The following ERI1 variants were observed in gnomAD, a reference collection of about 807,000 sequenced individuals.
The protein encoded by ERI1 is 3'-5' exoribonuclease 1.
ERI1 carries 39 observed loss-of-function variants against 39.7 expected under a neutral mutation model. The ratio of observed to expected loss-of-function variants is 0.98; its 90% confidence interval spans 0.76 to 1.28. The LOEUF (loss-of-function observed/expected upper bound fraction) is 1.28, where lower values mean the gene tolerates loss of function less well. ERI1 is among the 50% of genes most tolerant of loss of function. ERI1 has a pLI of 0.00. For synonymous variants in ERI1, 204 were observed against 149.6 expected (o/e 1.36, Z -2.65); for missense variants, 581 against 416.9 (o/e 1.39, Z -3.43).
At chr8:9,054,039 A>G (rs1157827205) in intron 3 of ERI1, among the ~76,000 whole-genome samples, 1 of 121,310 alleles carries the variant, frequency 8.2e-6, no homozygotes, top group African/African-American at 3.5e-5. Flanking sequence ...ATAGGCTAGA[A>G]CTCCCATTTC....
intron 3 of ERI1, among the ~76,000 whole-genome samples, chr8:9,058,288 GC>G (rs1204388156): frequency 6.6e-6 from 1 of 152,180 alleles, no homozygotes; most frequent in East Asian, 1.9e-4. Flanking sequence ...AAAGGGTGGA[GC>G]CACGGGCAGT....
chr8:9,097,652 G>C (rs1799917963), intron 3 of ERI1, among the ~76,000 whole-genome samples: 1 of 126,598 alleles, frequency 7.9e-6, no homozygotes, highest in Admixed American at 8.9e-5. Flanking sequence ...CTAGGTGACA[G>C]AATGACACTC....
At chr8:9,099,066 C>G (rs535823596) in intron 3 of ERI1, among the ~76,000 whole-genome samples, 2 of 152,210 alleles carry the variant, frequency 1.3e-5, no homozygotes, top group African/African-American at 4.8e-5. Context: ...AACTCCTGAC[C>G]TCAAATGATC....
intron 3 of ERI1, among the ~76,000 whole-genome samples, chr8:9,038,791 A>T (rs572261432): frequency 6.6e-6 from 1 of 152,356 alleles, no homozygotes; most frequent in South Asian, 2.1e-4. Context: ...AGATGTAAAT[A>T]TATTAAAATT....
chr8:9,064,980 T>TG (rs1235532581), intron 3 of ERI1, among the ~76,000 whole-genome samples: 2 of 151,504 alleles, frequency 1.3e-5, no homozygotes, highest in East Asian at 1.9e-4. Flanking sequence ...CAGGAAGGAG[T>TG]GGGGGTCACA....
chr8:9,099,444 AATT>A (rs75970336), intron 3 of ERI1, among the ~76,000 whole-genome samples: 5,819 of 152,046 alleles, frequency 0.038, 309 homozygotes, highest in African/African-American at 0.12. Flanking sequence ...AAAAATAAAA[AATT>A]AGCCAGGTGT....
intron 3 of ERI1, among the ~76,000 whole-genome samples, chr8:9,058,230 C>T (rs4841092): frequency 0.14 from 21,281 of 152,124 alleles, 1,636 homozygotes; most frequent in African/African-American, 0.17. Flanking sequence ...ATCCAGGAAT[C>T]CGGCAGAGCT....
At chr8:9,038,964 C>T (rs867834972) in intron 3 of ERI1, among the ~76,000 whole-genome samples, 2 of 152,304 alleles carry the variant, frequency 1.3e-5, no homozygotes, top group Middle Eastern at 3.4e-3. Context: ...ACATTGTGAT[C>T]TGTGATGATA....
At chr8:9,014,920 C>A (rs28550340) in intron 3 of ERI1, among the ~76,000 whole-genome samples, 2 of 152,148 alleles carry the variant, frequency 1.3e-5, no homozygotes, top group African/African-American at 2.4e-5. Flanking sequence ...TCACTGCAAC[C>A]TCTGCCTCCT....
chr8:9,057,391 C>A lies in ERI1; in HGVS notation n.299+36927C>A, dbSNP rs116712242. Among the ~76,000 whole-genome samples the A allele has an allele frequency of 3.4e-3, 512 of 152,306 alleles. 3 individuals carry two copies. The highest frequency in any genetic ancestry group is 0.012 in the African/African-American group (488 of 41,570). ...TGCTGCCTCACACAACTTGTAATTG[C>A]AGAATGAAACGCACTAGGGACTGGC... On this transcript the variant is annotated intron_variant and non_coding_transcript_variant, in intron 3 of 3. Transcript: ENST00000518663.
chr8:9,005,514 G>GC (rs1815888242), intron 1 of ERI1, among the ~76,000 whole-genome samples: 1 of 130,820 alleles, frequency 7.6e-6, no homozygotes, highest in Admixed American at 7.7e-5. Flanking sequence ...GTTTTTTTAT[G>GC]TTTTTTTTTT....
chr8:9,006,566 G>T (rs1308013001), intron 1 of ERI1, among the ~76,000 whole-genome samples: 3 of 152,166 alleles, frequency 2.0e-5, no homozygotes, highest in African/African-American at 7.2e-5. Context: ...CAAATTCAAT[G>T]TAAATTTAAA....
Position 9,030,115 on chromosome 8 carries a change from G to T in ERI1, c.*81G>T. ...TGAATCTCATTGAATTAGTCCTGTA[G>T]TGCAAACTTTAAGCACCTTAAAACA... On this transcript the variant is annotated 3_prime_UTR_variant, in exon 7 of 7. Coordinates refer to ENST00000250263, the MANE Select transcript of ERI1 (RefSeq NM_153332.4). The T allele has an allele frequency of 1.3e-6, 2 of 1,557,878 alleles. No homozygotes were observed. The highest frequency in any genetic ancestry group is 8.8e-7 in the Non-Finnish European group (1 of 1,141,390).
At chr8:9,085,596 CTTG>C (rs1241409309) in intron 3 of ERI1, among the ~76,000 whole-genome samples, 1 of 151,692 alleles carries the variant, frequency 6.6e-6, no homozygotes, top group East Asian at 2.0e-4. Context: ...GTGTACTAAA[CTTG>C]TAGAGTGTCG....
At position 9,073,372 on chromosome 8, in the gene ERI1, C is replaced by G. The variant is rs1316756112; in HGVS notation, n.300-42976C>G. Among the ~76,000 whole-genome samples, 2 of 152,082 alleles carry G rather than the reference C, an allele frequency of 1.3e-5. 1 individual carries two copies. The highest frequency in any genetic ancestry group is 2.9e-5 in the Non-Finnish European group (2 of 68,032). ...AGTAAAGTATCTCAACTTATGATCC[C>G]CAATACTTCCAAGAAGGGTAAGCGT... On this transcript the variant is annotated intron_variant and non_coding_transcript_variant, in intron 3 of 3. Coordinates refer to the ERI1 transcript ENST00000518663.
downstream of ERI1, among the ~76,000 whole-genome samples, chr8:9,036,896 G>C (rs577997541): frequency 6.6e-6 from 1 of 152,188 alleles, no homozygotes; most frequent in Admixed American, 6.5e-5. Context: ...ATTTTTGTCA[G>C]TGGGACCATG....
chr8:9,049,336 C>CAAAAAA (rs3989371), intron 3 of ERI1, among the ~76,000 whole-genome samples: 10 of 33,244 alleles, frequency 3.0e-4, no homozygotes, highest in African/African-American at 7.7e-4. Context: ...ACTCCGTCTC[C>CAAAAAA]AAAAAAAAAA....
chr8:9,090,887 G>A (rs985843466), intron 3 of ERI1, among the ~76,000 whole-genome samples: 2 of 152,154 alleles, frequency 1.3e-5, no homozygotes, highest in South Asian at 4.1e-4. Flanking sequence ...TCTGAGTGAT[G>A]AAATTTGGGG....
chr8:9,059,088 C>T (rs935620737), intron 3 of ERI1, among the ~76,000 whole-genome samples: 2 of 151,820 alleles, frequency 1.3e-5, no homozygotes, highest in Admixed American at 1.3e-4. Flanking sequence ...TGTTCTCTGG[C>T]GGGCAGGAGT....
Sources: allele counts gnomAD v4.1 joint callset (sites outside exome capture counted in the v4.1 genomes callset), GRCh38; gene constraint gnomAD v4.1.1; transcripts MANE v1.5; gene names NCBI Gene and HGNC (gene_info 2026-07-23, HGNC 2026-07-21).